PDE1C: variants seen among roughly 807,000 people sequenced by gnomAD.
The protein encoded by PDE1C is phosphodiesterase 1C.
A neutral mutation model predicts 93.1 loss-of-function variants in PDE1C; 62 were observed. The ratio of observed to expected loss-of-function variants is 0.67; its 90% CI spans 0.54 to 0.82. The LOEUF (loss-of-function observed/expected upper bound fraction) is 0.82. Ranked by LOEUF, PDE1C falls within the 40% of genes least tolerant of loss-of-function variation. PDE1C has a pLI of 0.00. For synonymous variants in PDE1C, 325 were observed against 310.1 expected (o/e 1.05, Z -0.50); for missense variants, 742 against 884.6 (o/e 0.84, Z 2.04).
At chr7:31,762,340 C>G (rs1187953733) in intron 17 of PDE1C, among the ~76,000 whole-genome samples, 2 of 152,050 alleles carry the variant, frequency 1.3e-5, no homozygotes, top group Non-Finnish European at 2.9e-5. Flanking sequence ...AGCCCATTAT[C>G]TACATTTTTT....
intron 11 of PDE1C, among the ~76,000 whole-genome samples, chr7:31,828,775 G>A (rs1269535866): frequency 6.6e-6 from 1 of 152,168 alleles, no homozygotes; most frequent in Non-Finnish European, 1.5e-5. Flanking sequence ...TGTGGGCAGT[G>A]TCTGAAACTA....
chr7:31,643,292 A>G, the PDE1C span: 2 of 1,613,838 alleles, frequency 1.2e-6, no homozygotes, highest in Non-Finnish European at 1.7e-6. Flanking sequence ...AGCTCATCAC[A>G]GTGTATCCCC....
chr7:31,932,126 C>T (rs1804391362), intron 2 of PDE1C, among the ~76,000 whole-genome samples: 1 of 152,106 alleles, frequency 6.6e-6, no homozygotes, highest in South Asian at 2.1e-4. Flanking sequence ...AGAAGAAAAC[C>T]TAGGCAATAC....
intron 2 of PDE1C, among the ~76,000 whole-genome samples, chr7:31,970,303 G>A (rs1229510398): frequency 6.6e-6 from 1 of 152,042 alleles, no homozygotes; most frequent in Non-Finnish European, 1.5e-5. Flanking sequence ...AAACCAGAAG[G>A]ATATCTTTAT....
chr7:31,643,703 C>T, the PDE1C span: 8 of 1,614,058 alleles, frequency 5.0e-6, no homozygotes, highest in Non-Finnish European at 6.8e-6. Context: ...GGGCCCCAGC[C>T]CCTCACCAAA....
intron 2 of PDE1C, among the ~76,000 whole-genome samples, chr7:32,020,635 G>A (rs1788528933): frequency 6.6e-6 from 1 of 152,028 alleles, no homozygotes; most frequent in African/African-American, 2.4e-5. Context: ...GTGTAAAATT[G>A]CAGTTACATT....
At chr7:31,687,696 T>C in the PDE1C span, among the ~76,000 whole-genome samples, 2 of 152,216 alleles carry the variant, frequency 1.3e-5, no homozygotes, top group Non-Finnish European at 2.9e-5. Context: ...ATTTAGGTTT[T>C]CTAAATGAAC....
intron 1 of PDE1C, among the ~76,000 whole-genome samples, chr7:32,332,456 T>C: frequency 7.1e-6 from 1 of 141,006 alleles, no homozygotes; most frequent in South Asian, 2.2e-4. Flanking sequence ...TACAACAGGT[T>C]TTTTTTTTTA....
intron 2 of PDE1C, among the ~76,000 whole-genome samples, chr7:31,951,898 T>C (rs1276558620): frequency 2.0e-5 from 3 of 152,164 alleles, no homozygotes; most frequent in Non-Finnish European, 4.4e-5. Flanking sequence ...CACAAGGAGA[T>C]ACCAGCTTAC....
intron 1 of PDE1C, among the ~76,000 whole-genome samples, chr7:32,230,365 T>G (rs1807608168): frequency 6.6e-6 from 1 of 152,214 alleles, no homozygotes. Context: ...TGCTTCTGTC[T>G]GAGAAGAATG....
At chr7:31,720,708 T>G in the PDE1C span, among the ~76,000 whole-genome samples, 1 of 152,202 alleles carries the variant, frequency 6.6e-6, no homozygotes, top group East Asian at 1.9e-4. Context: ...AACTGTGTAG[T>G]TATAAATCCC....
chr7:32,301,149 A>AT (rs532970558), upstream of PDE1C, among the ~76,000 whole-genome samples: 541 of 152,128 alleles, frequency 3.6e-3, 6 homozygotes, highest in Non-Finnish European at 6.5e-3. Context: ...AATATTATGT[A>AT]TTTTTTAATA....
chr7:31,718,512 GT>G, the PDE1C span, among the ~76,000 whole-genome samples: 1 of 152,200 alleles, frequency 6.6e-6, no homozygotes, highest in African/African-American at 2.4e-5. Context: ...TCTTCCTGGA[GT>G]TTGCGGGTAA....
At chr7:32,371,551 G>A (rs187084885) in intron 1 of PDE1C, among the ~76,000 whole-genome samples, 1 of 152,260 alleles carries the variant, frequency 6.6e-6, no homozygotes, top group African/African-American at 2.4e-5. Flanking sequence ...GGGCATGGAT[G>A]GGTACCATGG....
At chr7:31,691,260 C>T in the PDE1C span, among the ~76,000 whole-genome samples, 1 of 152,150 alleles carries the variant, frequency 6.6e-6, no homozygotes, top group East Asian at 1.9e-4. Flanking sequence ...TCAGAGAAAA[C>T]CGGTTTATTC....
chr7:32,080,182 G>A lies in PDE1C; in HGVS notation c.308+89603C>T, dbSNP rs577231568. Among the ~76,000 whole-genome samples the A allele has an allele frequency of 1.7e-4, 26 of 152,230 alleles. No individual in the cohort carries two copies. In the East Asian group the frequency reaches 3.1e-3, roughly 18 times the overall value. On this transcript the variant is annotated intron_variant, in intron 3 of 18. Transcript: ENST00000396193. Reference sequence around the variant, plus strand: ...CCTGTGATGAGGTCAGGAGGCAGGCGGGTGGGGACAACAGAAAAATATTGG... The same window carrying A: ...CCTGTGATGAGGTCAGGAGGCAGGCAGGTGGGGACAACAGAAAAATATTGG...
At chr7:32,325,687 A>C (rs1417193025) in intron 1 of PDE1C, among the ~76,000 whole-genome samples, 1 of 152,252 alleles carries the variant, frequency 6.6e-6, no homozygotes, top group Non-Finnish European at 1.5e-5. Flanking sequence ...TTGTTGAAAG[A>C]ATGACTGAAT....
chr7:32,091,265 T>A (rs142676545), intron 3 of PDE1C, among the ~76,000 whole-genome samples: 50 of 152,354 alleles, frequency 3.3e-4, no homozygotes, highest in African/African-American at 1.2e-3. Context: ...CAAGTCTTTC[T>A]GTGCAACTTT....
intron 1 of PDE1C, among the ~76,000 whole-genome samples, chr7:32,278,588 G>A (rs1211689164): frequency 6.6e-6 from 1 of 152,130 alleles, no homozygotes; most frequent in Non-Finnish European, 1.5e-5. Flanking sequence ...AAGCACCAAG[G>A]CAAATAAACC....
Sources: gnomAD v4.1 joint callset for allele counts (sites outside exome capture counted in the v4.1 genomes callset) on GRCh38, gnomAD v4.1.1 for gene constraint, MANE v1.5 for transcripts, NCBI Gene and HGNC (gene_info 2026-07-23, HGNC 2026-07-21) for gene names.